Variants in FARS2 observed in about 807,000 individuals in gnomAD.
FARS2 encodes phenylalanine--tRNA ligase, mitochondrial.
In FARS2, 40 loss-of-function variants were observed where a neutral mutation model predicts 46.4. That is an observed-to-expected ratio of 0.86 (90% confidence interval 0.67 to 1.12). The LOEUF is 1.12. Among genes scored for constraint, FARS2 ranks in the 50% most tolerant of loss-of-function variants. FARS2 has a pLI of 0.00. For synonymous variants in FARS2, 234 were observed against 214.9 expected (o/e 1.09, Z -0.78); for missense variants, 513 against 567.9 (o/e 0.90, Z 0.98).
At chr6:5,665,583 C>T (rs1380380854) in intron 6 of FARS2, 3 of 152,158 alleles carry the variant, frequency 2.0e-5, no homozygotes, top group Admixed American at 6.5e-5. Context: ...TTATTTCCCC[C>T]CTCAGATCAG....
chr6:5,375,353 C>T (rs959017883), intron 2 of FARS2, among the ~76,000 whole-genome samples: 1 of 151,838 alleles, frequency 6.6e-6, no homozygotes, highest in African/African-American at 2.4e-5. Flanking sequence ...ATAAATCTTG[C>T]ATCAGATATT....
chr6:5,531,331 C>T (rs1187540240), intron 4 of FARS2, among the ~76,000 whole-genome samples: 1 of 152,202 alleles, frequency 6.6e-6, no homozygotes, highest in East Asian at 1.9e-4. Flanking sequence ...AAGGAGGATT[C>T]TCACTGCGCA....
At chr6:5,382,467 T>C (rs1294195991) in intron 2 of FARS2, among the ~76,000 whole-genome samples, 1 of 152,242 alleles carries the variant, frequency 6.6e-6, no homozygotes, top group Non-Finnish European at 1.5e-5. Flanking sequence ...ATTTAAACTT[T>C]AGTGTCTCAA....
intron 4 of FARS2, among the ~76,000 whole-genome samples, chr6:5,449,360 A>AAG (rs1292148639): frequency 6.6e-6 from 1 of 151,032 alleles, no homozygotes; most frequent in Non-Finnish European, 1.5e-5. Flanking sequence ...CTCAAAAAAA[A>AAG]AAAAAAGAAA....
intron 4 of FARS2, among the ~76,000 whole-genome samples, chr6:5,532,195 G>A (rs1288452614): frequency 6.6e-6 from 1 of 152,244 alleles, no homozygotes; most frequent in Non-Finnish European, 1.5e-5. Context: ...ACAGATGTCA[G>A]TAGCACTTCC....
chr6:5,327,740 G>C (rs1305854127), intron 1 of FARS2, among the ~76,000 whole-genome samples: 6 of 152,116 alleles, frequency 3.9e-5, no homozygotes, highest in Non-Finnish European at 2.9e-5. Flanking sequence ...GGTTTACAGT[G>C]TACCACTGGA....
chr6:5,465,506 G>A lies in FARS2; in HGVS notation c.904+34334G>A, dbSNP rs140507291. ...TAAAACTAGACCAGCTCAGCACCTT[G>A]CTTCAGACTATATCTCCAATCGATT... is the stretch of plus-strand genomic sequence containing the variant. On this transcript the variant is annotated intron_variant, in intron 4 of 6. Coordinates refer to ENST00000274680, the MANE Select transcript of FARS2 (RefSeq NM_006567.5). Among the ~76,000 whole-genome samples, 509 of 152,298 alleles carry A rather than the reference G, an allele frequency of 3.3e-3. 1 individual carries two copies. Among genetic ancestry groups the A allele is most frequent in the Middle Eastern group, 0.01 (3 of 294 alleles).
chr6:5,449,958 C>A (rs1330318527), intron 4 of FARS2, among the ~76,000 whole-genome samples: 1 of 152,230 alleles, frequency 6.6e-6, no homozygotes, highest in Non-Finnish European at 1.5e-5. Context: ...AAAATCTGCA[C>A]ATACTCAAGT....
chr6:5,329,163 A>C (rs1022513751), intron 1 of FARS2, among the ~76,000 whole-genome samples: 2 of 152,152 alleles, frequency 1.3e-5, no homozygotes, highest in African/African-American at 4.8e-5. Flanking sequence ...CTACCAACCA[A>C]CTTATAAACA....
In FARS2 at chr6:5,543,786, C is replaced by A. The variant is rs537988213; in HGVS notation, c.905-1394C>A. 8.1e-4 allele frequency among the ~76,000 whole-genome samples: 123 copies of A among 152,260 alleles called. 1 individual carries two copies. Among genetic ancestry groups the A allele is most frequent in the African/African-American group, 2.9e-3 (119 of 41,542 alleles). ...TCCACTCCTCAGCCTTCCCGTGCTGCATCCCGTCCCATTGCTACTGAAGAA... is the reference window on the plus strand; with the variant it reads ...TCCACTCCTCAGCCTTCCCGTGCTGAATCCCGTCCCATTGCTACTGAAGAA... On this transcript the variant is annotated intron_variant, in intron 4 of 6. Transcript: ENST00000274680.
intron 5 of FARS2, among the ~76,000 whole-genome samples, chr6:5,545,656 GT>G (rs1432600672): frequency 6.6e-6 from 1 of 152,050 alleles, no homozygotes. Flanking sequence ...TCCCCTCCCT[GT>G]GTCCATGTGT....
At chr6:5,595,392 C>G (rs907489994) in intron 5 of FARS2, among the ~76,000 whole-genome samples, 1 of 152,156 alleles carries the variant, frequency 6.6e-6, no homozygotes, top group Non-Finnish European at 1.5e-5. Context: ...TCGCTTCTGT[C>G]GGCATTCTCT....
chr6:5,500,419 A>T (rs774483348), intron 4 of FARS2, among the ~76,000 whole-genome samples: 1 of 152,236 alleles, frequency 6.6e-6, no homozygotes, highest in Non-Finnish European at 1.5e-5. Context: ...AGACTTGAGG[A>T]GGAAGACACC....
intron 6 of FARS2, among the ~76,000 whole-genome samples, chr6:5,668,339 G>C (rs1275094475): frequency 6.6e-6 from 1 of 152,170 alleles, no homozygotes; most frequent in East Asian, 1.9e-4. Flanking sequence ...GACAGCAGCA[G>C]CTCATGTGAA....
At chr6:5,691,332 G>C (rs1757699667) in intron 6 of FARS2, among the ~76,000 whole-genome samples, 1 of 152,086 alleles carries the variant, frequency 6.6e-6, no homozygotes, top group South Asian at 2.1e-4. Flanking sequence ...ATCTACCCTT[G>C]GTCTTTGATG....
chr6:5,260,606 C>A (rs1472760585), upstream of FARS2: 3 of 1,231,268 alleles, frequency 2.4e-6, no homozygotes, highest in Non-Finnish European at 3.4e-6. Flanking sequence ...GGTCCCCGGC[C>A]CCTGGCCCCC....
chr6:5,682,854 G>A (rs900416631), intron 6 of FARS2, among the ~76,000 whole-genome samples: 3 of 152,240 alleles, frequency 2.0e-5, no homozygotes, highest in African/African-American at 7.2e-5. Context: ...GTGGGGCAGA[G>A]AGTGAAGTGA....
chr6:5,632,473 G>C (rs1458283616), intron 6 of FARS2, among the ~76,000 whole-genome samples: 1 of 151,662 alleles, frequency 6.6e-6, no homozygotes, highest in African/African-American at 2.4e-5. Context: ...TTAATGTAAC[G>C]ACCACCGCTA....
intron 5 of FARS2, among the ~76,000 whole-genome samples, chr6:5,605,308 T>G (rs1451761155): frequency 6.6e-6 from 1 of 152,054 alleles, no homozygotes; most frequent in East Asian, 1.9e-4. Flanking sequence ...GGCCAGAGCA[T>G]TACTCTGCTT....
Sources: allele counts gnomAD v4.1 joint callset (sites outside exome capture counted in the v4.1 genomes callset), GRCh38; gene constraint gnomAD v4.1.1; transcripts MANE v1.5; gene names NCBI Gene and HGNC (gene_info 2026-07-23, HGNC 2026-07-21).